Variants in SPRR2G observed in about 807,000 individuals in gnomAD.
SPRR2G encodes the protein small proline rich protein 2G.
A neutral mutation model predicts 0.7 loss-of-function variants in SPRR2G; 1 was observed. The ratio of observed to expected loss-of-function variants is 1.49; its 90% confidence interval spans 0.53 to 7.06. The LOEUF is 7.06. SPRR2G is among the 30% of genes most tolerant of loss of function. SPRR2G has a pLI of 0.14. For synonymous variants in SPRR2G, 38 were observed against 33.9 expected, an observed-to-expected ratio of 1.12 and a Z score of -0.42; for missense variants, 96 against 88.5, an observed-to-expected ratio of 1.09 and a Z score of -0.34.
chr1:153,160,595 G>A, the SPRR2G span, among the ~76,000 whole-genome samples: 1 of 131,622 alleles, frequency 7.6e-6, no homozygotes, highest in Non-Finnish European at 1.8e-5. Flanking sequence ...GAAACAACAG[G>A]TGCTGGAGAG....
upstream of SPRR2G, among the ~76,000 whole-genome samples, chr1:153,151,607 T>C (rs1307764902): frequency 1.3e-5 from 2 of 152,224 alleles, no homozygotes; most frequent in African/African-American, 4.8e-5. Flanking sequence ...GAGTGACTTG[T>C]GGTCTACTAG....
At chr1:153,195,545 C>A in the SPRR2G span, among the ~76,000 whole-genome samples, 1 of 152,138 alleles carries the variant, frequency 6.6e-6, no homozygotes, top group Non-Finnish European at 1.5e-5. Context: ...TTCCTTAGCT[C>A]TCTGTACCCC....
the SPRR2G span, among the ~76,000 whole-genome samples, chr1:153,166,297 A>G: frequency 5.3e-3 from 814 of 152,240 alleles, 12 homozygotes; most frequent in Middle Eastern, 0.02. Flanking sequence ...TTTAGTTCTG[A>G]TTATAGTAGA....
At chr1:153,197,985 A>C in the SPRR2G span, among the ~76,000 whole-genome samples, 1 of 152,198 alleles carries the variant, frequency 6.6e-6, no homozygotes, top group Non-Finnish European at 1.5e-5. Flanking sequence ...TGATCTCTAC[A>C]CTACATCATG....
chr1:153,173,265 T>TCCAGAACCC, the SPRR2G span, among the ~76,000 whole-genome samples: 2 of 152,178 alleles, frequency 1.3e-5, no homozygotes, highest in African/African-American at 4.8e-5. Context: ...GGCTAACACT[T>TCCAGAACCC]CCAGAACCCC....
the SPRR2G span, among the ~76,000 whole-genome samples, chr1:153,200,163 C>G: frequency 0.023 from 3,457 of 152,218 alleles, 302 homozygotes; most frequent in Admixed American, 0.16. Context: ...ACATTGATAT[C>G]AACCCTTCCT....
chr1:153,191,263 G>A, the SPRR2G span: 4 of 152,374 alleles, frequency 2.6e-5, no homozygotes, highest in Non-Finnish European at 2.9e-5. Flanking sequence ...GGATGAGCAT[G>A]TGACAGGCCC....
chr1:153,198,782 G>A, the SPRR2G span, among the ~76,000 whole-genome samples: 2 of 152,152 alleles, frequency 1.3e-5, no homozygotes, highest in Admixed American at 6.5e-5. Context: ...GTTAGTATTG[G>A]GACCTAAAGC....
chr1:153,191,497 A>G, the SPRR2G span: 1 of 152,310 alleles, frequency 6.6e-6, no homozygotes, highest in African/African-American at 2.4e-5. Context: ...CTTGTATTAA[A>G]AATTAAAACT....
chr1:153,189,447 T>G, the SPRR2G span, among the ~76,000 whole-genome samples: 2 of 151,880 alleles, frequency 1.3e-5, no homozygotes, highest in African/African-American at 4.8e-5. Context: ...TTATATTTTA[T>G]AGATAATTAT....
chr1:153,188,864 C>T, the SPRR2G span, among the ~76,000 whole-genome samples: 6 of 152,164 alleles, frequency 3.9e-5, no homozygotes, highest in African/African-American at 7.2e-5. Context: ...GTATCTGGGC[C>T]GGGTAGCACA....
At position 153,150,003 on chromosome 1, in the gene SPRR2G, G is replaced by A. The variant is rs1557933198; in HGVS notation, c.108C>T (p.Tyr36=). 6.2e-7 allele frequency: 1 copy of A among 1,613,998 alleles called. No individual in the cohort carries two copies. Among genetic ancestry groups the A allele is most frequent in the Non-Finnish European group, 8.5e-7 (1 of 1,179,992 alleles). The change falls in exon 2 of 2, where the codon TAC becomes TAT. Residue 36 remains tyrosine (Y), a synonymous_variant. Coordinates refer to ENST00000368748, the MANE Select transcript of SPRR2G (RefSeq NM_001014291.4). ...PCPPPKCPEP[Y]LPPPCPPEHC... ...GCTCAGGTGGACAAGGAGGAGGCAG[G>A]TAAGGCTCAGGGCACTTCGGGGGTG... is the stretch of plus-strand genomic sequence containing the variant.
chr1:153,153,412 C>A (rs1656513572), upstream of SPRR2G, among the ~76,000 whole-genome samples: 1 of 152,122 alleles, frequency 6.6e-6, no homozygotes, highest in South Asian at 2.1e-4. Flanking sequence ...CTGCAATTTT[C>A]AGTTTCTTCA....
chr1:153,195,869 C>T, the SPRR2G span, among the ~76,000 whole-genome samples: 1 of 152,022 alleles, frequency 6.6e-6, no homozygotes, highest in South Asian at 2.1e-4. Context: ...CCCACAAGAC[C>T]CCAACTCTCA....
chr1:153,176,607 A>G, the SPRR2G span: 2 of 152,198 alleles, frequency 1.3e-5, no homozygotes, highest in African/African-American at 4.8e-5. Context: ...CTTACCTGGA[A>G]GAAGAGCCTT....
the SPRR2G span, among the ~76,000 whole-genome samples, chr1:153,170,227 A>T: frequency 6.6e-6 from 1 of 152,222 alleles, no homozygotes; most frequent in African/African-American, 2.4e-5. Context: ...CCTCAGTTTA[A>T]GTTGTTAAGA....
the SPRR2G span, among the ~76,000 whole-genome samples, chr1:153,194,092 G>C: frequency 6.6e-6 from 1 of 151,980 alleles, no homozygotes; most frequent in African/African-American, 2.4e-5. Flanking sequence ...CCCAGGCTAG[G>C]GTAAAAAAGG....
the SPRR2G span, among the ~76,000 whole-genome samples, chr1:153,200,510 G>A: frequency 9.9e-5 from 15 of 152,278 alleles, no homozygotes; most frequent in Non-Finnish European, 4.4e-5. Context: ...GTCTAGTGAG[G>A]CACTGTAATG....
chr1:153,150,594 G>T (rs772132613), intron 1 of SPRR2G, among the ~76,000 whole-genome samples: 1 of 152,150 alleles, frequency 6.6e-6, no homozygotes, highest in Non-Finnish European at 1.5e-5. Context: ...ATTTGGAACA[G>T]ATGTGAAGCA....
Sources: allele counts gnomAD v4.1 joint callset (sites outside exome capture counted in the v4.1 genomes callset), GRCh38; gene constraint gnomAD v4.1.1; transcripts MANE v1.5; gene names NCBI Gene and HGNC (gene_info 2026-07-23, HGNC 2026-07-21).